SAMD12: variants seen among roughly 807,000 people sequenced by gnomAD.
SAMD12 encodes sterile alpha motif domain containing 12, also known as sterile alpha motif domain-containing protein 12.
SAMD12 carries 9 observed loss-of-function variants against 15.0 expected under a neutral mutation model. The ratio of observed to expected loss-of-function variants is 0.60; its 90% confidence interval spans 0.36 to 1.05. SAMD12 has a LOEUF of 1.05. SAMD12 is among the 50% of genes least tolerant of loss of function. The pLI is 0.01. For synonymous variants in SAMD12, 86 were observed against 90.1 expected (o/e 0.96, Z 0.25); for missense variants, 230 against 234.2 (o/e 0.98, Z 0.12).
intron 2 of SAMD12, among the ~76,000 whole-genome samples, chr8:118,543,762 T>A (rs879279581): frequency 6.6e-6 from 1 of 151,794 alleles, no homozygotes; most frequent in Non-Finnish European, 1.5e-5. Flanking sequence ...CCTTCACCAA[T>A]AAAGTCTTCC....
downstream of SAMD12, among the ~76,000 whole-genome samples, chr8:118,376,080 C>T (rs6992607): frequency 0.18 from 27,383 of 152,046 alleles, 2,822 homozygotes; most frequent in Non-Finnish European, 0.21. Flanking sequence ...TCACTATTCC[C>T]CTCAAGATGG....
intron 4 of SAMD12, among the ~76,000 whole-genome samples, chr8:118,201,418 ACT>A (rs1328061045): frequency 1.3e-5 from 2 of 151,530 alleles, no homozygotes; most frequent in African/African-American, 4.9e-5. Flanking sequence ...ACAGCTAACA[ACT>A]CTCTCCTGTG....
At chr8:118,336,634 C>A (rs1368047527) in intron 4 of SAMD12, among the ~76,000 whole-genome samples, 2 of 152,184 alleles carry the variant, frequency 1.3e-5, no homozygotes, top group Non-Finnish European at 2.9e-5. Flanking sequence ...TTTACAGTCC[C>A]ACCAACAGTG....
At chr8:118,412,786 T>C (rs1352842162) in intron 3 of SAMD12, among the ~76,000 whole-genome samples, 1 of 152,148 alleles carries the variant, frequency 6.6e-6, no homozygotes, top group Non-Finnish European at 1.5e-5. Flanking sequence ...TATAATAAAA[T>C]GGTTGTCATT....
chr8:118,572,251 C>T (rs556757441), intron 2 of SAMD12, among the ~76,000 whole-genome samples: 2 of 152,252 alleles, frequency 1.3e-5, no homozygotes, highest in Non-Finnish European at 2.9e-5. Context: ...TGCCTGTCCC[C>T]CTGTAGGAAG....
the SAMD12 span, among the ~76,000 whole-genome samples, chr8:118,140,866 C>T: frequency 6.6e-6 from 1 of 152,152 alleles, no homozygotes; most frequent in Non-Finnish European, 1.5e-5. Context: ...TGCCTTGATT[C>T]ATAATACAGA....
chr8:118,446,553 G>A (rs951072116), intron 2 of SAMD12, among the ~76,000 whole-genome samples: 2 of 151,904 alleles, frequency 1.3e-5, no homozygotes, highest in African/African-American at 4.8e-5. Flanking sequence ...ATAAAATTTG[G>A]AAAAACACTG....
chr8:118,620,603 G>C (rs1217242615), intron 1 of SAMD12, among the ~76,000 whole-genome samples: 1 of 152,138 alleles, frequency 6.6e-6, no homozygotes, highest in Non-Finnish European at 1.5e-5. Flanking sequence ...TATGGGTGCT[G>C]AGTATAGGAG....
rs34419362 is a variant in SAMD12 at position 118,440,657 on chromosome 8, AACACACACACAC to A, written c.193-708_193-697del. On this transcript the variant is annotated intron_variant, in intron 2 of 3. Transcript: ENST00000314727. ...CTTTCAGGGAAGTATTTATGAGGAAAACACACACACACACACACACACACACACACACACACA... is the reference window on the plus strand; with the variant it reads ...CTTTCAGGGAAGTATTTATGAGGAAAACACACACACACACACACACACACA... Among the ~76,000 whole-genome samples, 434 of 142,198 alleles carry A rather than the reference AACACACACACAC, an allele frequency of 3.1e-3. 4 individuals carry two copies. The highest frequency in any genetic ancestry group is 0.014 in the South Asian group (63 of 4,416). The allele number at this position is 142,198 out of a possible 152,430, so 93.3% of individuals were successfully genotyped here.
At chr8:118,252,361 C>A (rs899127527) in intron 4 of SAMD12, among the ~76,000 whole-genome samples, 4 of 151,996 alleles carry the variant, frequency 2.6e-5, no homozygotes, top group African/African-American at 9.7e-5. Flanking sequence ...TAGTCTGATC[C>A]CTCCTGTTAC....
chr8:118,478,137 C>A (rs1314262961), intron 2 of SAMD12, among the ~76,000 whole-genome samples: 1 of 151,864 alleles, frequency 6.6e-6, no homozygotes, highest in African/African-American at 2.4e-5. Flanking sequence ...AAATATAAAT[C>A]CTTTTATATC....
At chr8:118,556,717 T>C (rs12549221) in intron 2 of SAMD12, among the ~76,000 whole-genome samples, 120,886 of 152,072 alleles carry the variant, frequency 0.79, 48,240 homozygotes, top group Admixed American at 0.84. Flanking sequence ...GTAATCCCAG[T>C]ACTTTGGGAG....
intron 4 of SAMD12, among the ~76,000 whole-genome samples, chr8:118,217,695 G>A (rs148300998): frequency 9.5e-4 from 144 of 152,230 alleles, no homozygotes; most frequent in Middle Eastern, 3.4e-3. Flanking sequence ...GAAAGTTAGT[G>A]ATGCCCATCT....
chr8:118,202,194 G>A (rs1176947857), intron 4 of SAMD12, among the ~76,000 whole-genome samples: 1 of 151,978 alleles, frequency 6.6e-6, no homozygotes, highest in African/African-American at 2.4e-5. Flanking sequence ...AGCTACTATT[G>A]TTTTATTATT....
downstream of SAMD12, among the ~76,000 whole-genome samples, chr8:118,373,726 G>C (rs1819230360): frequency 6.6e-6 from 1 of 152,096 alleles, no homozygotes; most frequent in African/African-American, 2.4e-5. Flanking sequence ...GAGGATGGTA[G>C]CATCTACTAC....
chr8:118,185,900 A>G (rs536819274), downstream of SAMD12, among the ~76,000 whole-genome samples: 9 of 152,218 alleles, frequency 5.9e-5, no homozygotes, highest in Admixed American at 5.9e-4. Context: ...CAGGGGGTCC[A>G]TCTGTGGCAC....
intron 2 of SAMD12, among the ~76,000 whole-genome samples, chr8:118,461,697 ACCT>A (rs1823428124): frequency 6.6e-6 from 1 of 152,156 alleles, no homozygotes; most frequent in Admixed American, 6.5e-5. Context: ...ATATAGATTC[ACCT>A]CCTTATTTTC....
At chr8:118,333,709 C>T (rs6469735) in intron 4 of SAMD12, among the ~76,000 whole-genome samples, 19,801 of 152,046 alleles carry the variant, frequency 0.13, 2,999 homozygotes, top group African/African-American at 0.35. Context: ...ATTTATGTAC[C>T]CCATTCTCCT....
intron 2 of SAMD12, among the ~76,000 whole-genome samples, chr8:118,475,416 C>A (rs1157540331): frequency 6.6e-6 from 1 of 152,176 alleles, no homozygotes; most frequent in Non-Finnish European, 1.5e-5. Flanking sequence ...GTGCAGCCTG[C>A]AGAACTGTGA....
Sources: allele counts gnomAD v4.1 joint callset (sites outside exome capture counted in the v4.1 genomes callset), GRCh38; gene constraint gnomAD v4.1.1; transcripts MANE v1.5; gene names NCBI Gene and HGNC (gene_info 2026-07-23, HGNC 2026-07-21).